The following MLLT1 variants were observed in gnomAD, a reference collection of about 807,000 sequenced individuals.
MLLT1 encodes protein ENL.
MLLT1 carries 11 observed loss-of-function variants against 55.1 expected under a neutral mutation model. That is an observed-to-expected ratio of 0.20 (90% CI 0.13 to 0.33). MLLT1 has a LOEUF of 0.33. Ranked by LOEUF, MLLT1 falls within the 10% of genes least tolerant of loss-of-function variation. MLLT1 has a pLI of 1.00. For synonymous variants in MLLT1, 323 were observed against 320.1 expected, an observed-to-expected ratio of 1.01 and a Z score of -0.10; for missense variants, 536 against 760.6, an observed-to-expected ratio of 0.70 and a Z score of 3.47.
rs2091048299 is a variant in MLLT1 at position 6,235,214 on chromosome 19, T to C, written c.277-4501A>G. ...ATCTGCCTCTGTAAATGCTTCCAAC[T>C]TTCCCTGGTAACTTCTGAGTGGACG... On this transcript the variant is annotated intron_variant, in intron 3 of 11. Coordinates refer to ENST00000252674, the MANE Select transcript of MLLT1 (RefSeq NM_005934.4). This position sits in a 1 kb window ranked among gnomAD's most constrained non-coding sequence, Gnocchi z 5.5. Among the ~76,000 whole-genome samples the C allele has an allele frequency of 6.6e-6, 1 of 152,198 alleles. No homozygotes were observed. Among genetic ancestry groups the C allele is most frequent in the African/African-American group, 2.4e-5 (1 of 41,446 alleles).
rs1437428466 is a variant in MLLT1, at chr19:6,271,346, C to T, written c.13-587G>A. Among the ~76,000 whole-genome samples the T allele has an allele frequency of 2.6e-5, 4 of 152,226 alleles. No homozygotes were observed. In the East Asian group the frequency reaches 7.7e-4, roughly 29 times the overall value. On this transcript the variant is annotated intron_variant, in intron 1 of 11. Coordinates refer to ENST00000252674, the MANE Select transcript of MLLT1 (RefSeq NM_005934.4). Reference sequence around the variant, plus strand: ...GCATCACAGCGCCTCCCGGAGGCCCCTCTCCTTTCCCTAAGTCATCAGCTA... The same window carrying T: ...GCATCACAGCGCCTCCCGGAGGCCCTTCTCCTTTCCCTAAGTCATCAGCTA...
chr19:6,222,340 G>C lies in MLLT1; in HGVS notation c.891C>G (p.Ala297=), dbSNP rs1385640677. Residue 297 remains alanine, a synonymous_variant, in exon 6 of 12, where the codon GCC becomes GCG. Coordinates refer to ENST00000252674, the MANE Select transcript of MLLT1 (RefSeq NM_005934.4). The surrounding 1 kb of genome is among the most constrained non-coding windows in gnomAD (Gnocchi z 4.1). ...PATADSPKPS[A]KKQKKSSSKG... ...TCGAGCTGCTCTTCTTCTGCTTCTT[G>C]GCGCTGGGCTTTGGCGAGTCGGCGG... 6.5e-7 allele frequency: 1 copy of C among 1,543,762 alleles called. No individual in the cohort carries two copies. The highest frequency in any genetic ancestry group is 8.8e-7 in the Non-Finnish European group (1 of 1,142,648).
At chr19:6,216,342 C>A in intron 8 of MLLT1, 63 bp downstream of exon 8, 1 of 1,226,194 alleles carries the variant, frequency 8.2e-7, no homozygotes, top group Non-Finnish European at 1.2e-6. Flanking sequence ...ACAATCACTG[C>A]AGACCCAGCC....
intron 8 of MLLT1, 68 bp from the exon 9 acceptor site, chr19:6,214,106 C>G: frequency 9.6e-7 from 1 of 1,039,876 alleles, no homozygotes; most frequent in Non-Finnish European, 1.3e-6. Context: ...CCCCCAGGCT[C>G]AAGCCTCTGC....
chr19:6,227,226 C>T lies in MLLT1; in HGVS notation c.421-124G>A, dbSNP rs1467230142. Reference sequence around the variant, plus strand: ...AGAAGGGAGAGCCTGAGCGCTTTCCCGAAAGAATCCCAGGTGCTTCCCTGC... The same window carrying T: ...AGAAGGGAGAGCCTGAGCGCTTTCCTGAAAGAATCCCAGGTGCTTCCCTGC... On this transcript the variant is annotated intron_variant, in intron 4 of 11. Coordinates refer to ENST00000252674, the MANE Select transcript of MLLT1 (RefSeq NM_005934.4). The surrounding 1 kb of genome is among the most constrained non-coding windows in gnomAD (Gnocchi z 5.1). 4.8e-5 allele frequency: 48 copies of T among 1,009,578 alleles called. No homozygotes were observed. Among genetic ancestry groups the T allele is most frequent in the South Asian group, 2.9e-4 (16 of 55,624 alleles). The allele number at this position is 1,009,578 out of a possible 1,614,324, so 62.5% of individuals were successfully genotyped here.
At position 6,226,408 on chromosome 19, in the gene MLLT1, G is replaced by A. The variant is rs946419960; in HGVS notation, c.546+569C>T. ...GTTTAGAGAGAGAAGCCTCAGAAAG[G>A]CCGAGTGCCACCCACCTGACCGACT... On this transcript the variant is annotated intron_variant, in intron 5 of 11. Coordinates refer to ENST00000252674, the MANE Select transcript of MLLT1 (RefSeq NM_005934.4). The surrounding 1 kb of genome is among the most constrained non-coding windows in gnomAD (Gnocchi z 6.3). Among the ~76,000 whole-genome samples, 1 of 152,160 alleles carries A rather than the reference G, an allele frequency of 6.6e-6. No individual in the cohort carries two copies. Among genetic ancestry groups the A allele is most frequent in the Non-Finnish European group, 1.5e-5 (1 of 68,020 alleles).
intron 3 of MLLT1, among the ~76,000 whole-genome samples, chr19:6,243,840 G>A (rs747471374): frequency 4.6e-5 from 7 of 151,928 alleles, no homozygotes; most frequent in East Asian, 1.9e-4. Flanking sequence ...TCAGGAAACC[G>A]AGACCATCCT....
At chr19:6,271,697 C>T (rs1207107331) in intron 1 of MLLT1, among the ~76,000 whole-genome samples, 1 of 152,236 alleles carries the variant, frequency 6.6e-6, no homozygotes, top group East Asian at 1.9e-4. Flanking sequence ...ACGGCCCTGA[C>T]ACCCGCTATC....
At position 6,231,054 on chromosome 19, in the gene MLLT1, G is replaced by A. The variant is rs116422932; in HGVS notation, c.277-341C>T. Among the ~76,000 whole-genome samples, 822 of 152,270 alleles carry A rather than the reference G, an allele frequency of 5.4e-3. 14 individuals carry two copies. Among genetic ancestry groups the A allele is most frequent in the African/African-American group, 0.018 (766 of 41,542 alleles). On this transcript the variant is annotated intron_variant, in intron 3 of 11. Coordinates refer to ENST00000252674, the MANE Select transcript of MLLT1 (RefSeq NM_005934.4). This position sits in a 1 kb window ranked among gnomAD's most constrained non-coding sequence, Gnocchi z 5.1. ...ACGCACAGACACCAACTAACACGTG[G>A]CAGCACTGAGACCTGCCCCAGGCCT...
chr19:6,223,674 C>G (rs551842589), intron 5 of MLLT1, among the ~76,000 whole-genome samples: 1 of 152,280 alleles, frequency 6.6e-6, no homozygotes, highest in Admixed American at 6.5e-5. Flanking sequence ...CAGCCCGCGG[C>G]CAGCCTGGGC....
intron 3 of MLLT1, among the ~76,000 whole-genome samples, chr19:6,238,448 G>A (rs2091083351): frequency 6.6e-6 from 1 of 152,022 alleles, no homozygotes; most frequent in African/African-American, 2.4e-5. Flanking sequence ...CTTGCGGGGA[G>A]AGAGGAGAAA....
Position 6,271,205 on chromosome 19 carries a change from T to C in MLLT1, c.13-446A>G, listed in dbSNP as rs550257983. ...AAGCATCCACCACCGCTCCCATCACTCTATCATAGAGGATGCTCTTCCGAG... is the reference window on the plus strand; with the variant it reads ...AAGCATCCACCACCGCTCCCATCACCCTATCATAGAGGATGCTCTTCCGAG... On this transcript the variant is annotated intron_variant, in intron 1 of 11. Coordinates refer to ENST00000252674, the MANE Select transcript of MLLT1 (RefSeq NM_005934.4). Among the ~76,000 whole-genome samples the C allele has an allele frequency of 1.5e-4, 23 of 152,038 alleles. No individual in the cohort carries two copies. In the East Asian group the frequency reaches 3.1e-3, roughly 20 times the overall value.
rs895637870 is a variant in MLLT1 at position 6,244,851 on chromosome 19, G to A, written c.277-14138C>T. Among the ~76,000 whole-genome samples, 15 of 152,168 alleles carry A rather than the reference G, an allele frequency of 9.9e-5. No individual in the cohort carries two copies. In the East Asian group the frequency reaches 2.7e-3, roughly 27 times the overall value. ...CATGAAAACGATGCTCATTACCGTC[G>A]GCCGTCAGGGAGATGCAAATCAAAA... On this transcript the variant is annotated intron_variant, in intron 3 of 11. Coordinates refer to ENST00000252674, the MANE Select transcript of MLLT1 (RefSeq NM_005934.4).
At chr19:6,247,865 G>A (rs1273879886) in intron 3 of MLLT1, among the ~76,000 whole-genome samples, 1 of 149,664 alleles carries the variant, frequency 6.7e-6, no homozygotes, top group Non-Finnish European at 1.5e-5. Flanking sequence ...AGATTTTGGA[G>A]CATTTTGGTG....
At chr19:6,274,998 G>C (rs1367616340) in intron 1 of MLLT1, among the ~76,000 whole-genome samples, 1 of 152,252 alleles carries the variant, frequency 6.6e-6, no homozygotes, top group Non-Finnish European at 1.5e-5. Flanking sequence ...AACGCAGCGT[G>C]CGGTTCTCCC....
chr19:6,213,698 C>G, intron 10 of MLLT1, 28 bp downstream of exon 10: 1 of 1,447,774 alleles, frequency 6.9e-7, no homozygotes. Flanking sequence ...TCCGTAGCCT[C>G]CCCGCCTTGT....
At chr19:6,252,382 G>C (rs1372358358) in intron 3 of MLLT1, among the ~76,000 whole-genome samples, 1 of 152,164 alleles carries the variant, frequency 6.6e-6, no homozygotes, top group East Asian at 1.9e-4. Context: ...ACAATCACGT[G>C]AGCCTATTCC....
At chr19:6,251,668 T>A (rs773886448) in intron 3 of MLLT1, among the ~76,000 whole-genome samples, 1 of 152,028 alleles carries the variant, frequency 6.6e-6, no homozygotes, top group Non-Finnish European at 1.5e-5. Context: ...CTCATGCCTA[T>A]AATCCCAGCA....
At chr19:6,223,437 C>T (rs558912732) in intron 5 of MLLT1, among the ~76,000 whole-genome samples, 13 of 152,292 alleles carry the variant, frequency 8.5e-5, no homozygotes, top group African/African-American at 2.9e-4. Context: ...GGGGCTGATC[C>T]CATTGAGGAC....
Sources: allele counts gnomAD v4.1 joint callset (sites outside exome capture counted in the v4.1 genomes callset), GRCh38; gene constraint gnomAD v4.1.1; non-coding constraint Gnocchi (gnomAD v3.1); transcripts MANE v1.5; gene names NCBI Gene and HGNC (gene_info 2026-07-23, HGNC 2026-07-21).